The following MTX2 variants were observed in gnomAD, a reference collection of about 807,000 sequenced individuals.
MTX2 encodes the protein metaxin 2, also known as metaxin-2.
MTX2 carries 35 observed loss-of-function variants against 42.3 expected under a neutral mutation model. The ratio of observed to expected loss-of-function variants is 0.83; its 90% CI spans 0.63 to 1.10. The LOEUF (loss-of-function observed/expected upper bound fraction) is 1.10. Among genes scored for constraint, MTX2 ranks in the 50% least tolerant of loss-of-function variants. The pLI, the probability that MTX2 is intolerant of heterozygous loss-of-function variation, is 0.00. For missense variants in MTX2, 307 were observed against 304.1 expected (o/e 1.01, Z -0.07); for synonymous variants, 119 against 100.9 (o/e 1.18, Z -1.08).
chr2:176,320,085 T>C (rs972469932), intron 3 of MTX2, among the ~76,000 whole-genome samples: 1 of 152,092 alleles, frequency 6.6e-6, no homozygotes. Context: ...TTGAGGTCTG[T>C]AGTAAGTTGA....
chr2:176,285,914 A>G (rs1693188213), intron 1 of MTX2, among the ~76,000 whole-genome samples: 1 of 152,126 alleles, frequency 6.6e-6, no homozygotes, highest in South Asian at 2.1e-4. Context: ...AGTGTAATTG[A>G]TGGGTCATAT....
rs73036857 is a variant in MTX2, at chr2:176,304,675, G to T, written c.135+6780G>T. 7.2e-3 allele frequency among the ~76,000 whole-genome samples: 1,101 copies of T among 152,028 alleles called. 16 individuals carry two copies. Among genetic ancestry groups the T allele is most frequent in the African/African-American group, 0.026 (1,063 of 41,508 alleles). ...TTGTCACAAATTTTCCTTTGTGTCT[G>T]GTTGAAAAAGGATATGAATTAAAAT... is the stretch of plus-strand genomic sequence containing the variant. On this transcript the variant is annotated intron_variant, in intron 3 of 9. Coordinates refer to ENST00000249442, the MANE Select transcript of MTX2 (RefSeq NM_006554.5).
At position 176,330,594 on chromosome 2, in the gene MTX2, A is replaced by T. The variant is rs1022234209; in HGVS notation, c.554A>T (p.Asp185Val). ...CATTGCCTGTGTTAGGTCTTAGAGG[A>T]TGTAGACCAGTGCTGTCAAGCTCTC... ...GKKTLDQVLE[D>V]VDQCCQALSQ... Residue 185 changes from aspartate to valine, a missense_variant, in exon 9 of 10, where the codon GAT becomes GTT. Coordinates refer to ENST00000249442, the MANE Select transcript of MTX2 (RefSeq NM_006554.5). 7.6e-6 allele frequency: 12 copies of T among 1,585,554 alleles called. No homozygotes were observed. The highest frequency in any genetic ancestry group is 1.0e-5 in the Non-Finnish European group (12 of 1,161,730).
chr2:176,279,528 TA>T (rs1411634339), intron 1 of MTX2, among the ~76,000 whole-genome samples: 3 of 152,116 alleles, frequency 2.0e-5, no homozygotes, highest in African/African-American at 7.2e-5. Context: ...TTTATAAATT[TA>T]AAAAAAGATT....
At chr2:176,290,033 A>C (rs1472385946) in intron 1 of MTX2, among the ~76,000 whole-genome samples, 1 of 152,136 alleles carries the variant, frequency 6.6e-6, no homozygotes, top group African/African-American at 2.4e-5. Context: ...ATATATAAGA[A>C]AAATGCAGAC....
At chr2:176,274,497 A>G (rs763198575) in intron 1 of MTX2, among the ~76,000 whole-genome samples, 26 of 152,204 alleles carry the variant, frequency 1.7e-4, no homozygotes, top group Non-Finnish European at 1.3e-4. Context: ...AGTTGTTATC[A>G]GTCAGTTCAA....
intron 1 of MTX2, among the ~76,000 whole-genome samples, chr2:176,282,129 T>TTTTTTTTG (rs1266283792): frequency 3.0e-5 from 4 of 132,494 alleles, no homozygotes; most frequent in African/African-American, 1.1e-4. Flanking sequence ...TACAGTAGTT[T>TTTTTTTTG]TTTTTTTTTT....
At chr2:176,337,443 T>C (rs1249779977) in intron 9 of MTX2, 50 bp from the exon 10 acceptor site, 24 of 1,465,592 alleles carry the variant, frequency 1.6e-5, no homozygotes, top group Admixed American at 2.1e-5. Context: ...TGTTTTCTAT[T>C]GTAAAAGTTA....
chr2:176,313,764 C>G (rs896296692), intron 3 of MTX2, among the ~76,000 whole-genome samples: 1 of 152,176 alleles, frequency 6.6e-6, no homozygotes, highest in Non-Finnish European at 1.5e-5. Flanking sequence ...TATGTTCACT[C>G]GAATCTTTTT....
chr2:176,280,900 C>G (rs781465301), intron 1 of MTX2, among the ~76,000 whole-genome samples: 2 of 152,200 alleles, frequency 1.3e-5, no homozygotes, highest in Non-Finnish European at 1.5e-5. Context: ...CTGGGCTGAT[C>G]CAGACAGTTG....
intron 1 of MTX2, among the ~76,000 whole-genome samples, chr2:176,276,847 CAGTT>C (rs1396837064): frequency 3.3e-5 from 5 of 152,072 alleles, no homozygotes; most frequent in Admixed American, 6.5e-5. Context: ...TTAAGCACAT[CAGTT>C]AGTTTCATCA....
rs577790691 is a variant in MTX2, at chr2:176,321,390, C to A, written c.136-2002C>A. ...ACAGAAGAATCAACTTCTGGTGGGG[C>A]AGGATGGTGTTTAAACTTAGAAATC... On this transcript the variant is annotated intron_variant, in intron 3 of 9. Transcript: ENST00000249442. 1.8e-4 allele frequency among the ~76,000 whole-genome samples: 27 copies of A among 152,126 alleles called. No homozygotes were observed. The South Asian group carries it at 5.6e-3, about 32-fold the overall frequency.
intron 5 of MTX2, 119 bp from the exon 6 acceptor site, chr2:176,328,174 G>A: frequency 4.2e-6 from 2 of 479,458 alleles, no homozygotes; most frequent in South Asian, 9.9e-5. Context: ...TTTTTAGGGG[G>A]CATTTTGGAC....
At chr2:176,270,473 T>C in intron 1 of MTX2, 2 of 1,251,306 alleles carry the variant, frequency 1.6e-6, no homozygotes, top group Non-Finnish European at 2.2e-6. Flanking sequence ...AGAAATTAAA[T>C]ATTGTTGAGA....
chr2:176,269,819 C>A, intron 1 of MTX2, 150 bp downstream of exon 1: 2 of 980,232 alleles, frequency 2.0e-6, no homozygotes, highest in Non-Finnish European at 2.9e-6. Flanking sequence ...CCAACCTTAT[C>A]TCACATATGG....
rs745746522 is a variant in MTX2, at chr2:176,328,306, G to T, written c.299G>T (p.Ser100Ile). 1 of 1,573,622 alleles carries T rather than the reference G, an allele frequency of 6.4e-7. No homozygotes were observed. The highest frequency in any genetic ancestry group is 1.4e-5 in the African/African-American group (1 of 72,842). The change falls in exon 6 of 10, where the codon AGT (serine) becomes ATT (isoleucine). Residue 100 changes from serine (S) to isoleucine (I), a missense_variant. By Grantham distance (142) the Ser-to-Ile change is moderately radical. Coordinates refer to ENST00000249442, the MANE Select transcript of MTX2 (RefSeq NM_006554.5). ...AATTCCCTTTAGGGCCATTCTCTTAGTGATGGGCTGGAGGAAGTCCAAAAA... is the reference window on the plus strand; with the variant it reads ...AATTCCCTTTAGGGCCATTCTCTTATTGATGGGCTGGAGGAAGTCCAAAAA... Reference protein sequence around the residue: ...QFVKAKGHSLSDGLEEVQKAE... With the variant: ...QFVKAKGHSLIDGLEEVQKAE...
At chr2:176,292,753 T>A (rs894942223) in intron 1 of MTX2, among the ~76,000 whole-genome samples, 1 of 152,222 alleles carries the variant, frequency 6.6e-6, no homozygotes, top group African/African-American at 2.4e-5. Flanking sequence ...CATGTCATGG[T>A]TTACATGTAA....
intron 3 of MTX2, among the ~76,000 whole-genome samples, chr2:176,321,417 T>C (rs936369630): frequency 3.3e-5 from 5 of 152,142 alleles, no homozygotes; most frequent in Non-Finnish European, 5.9e-5. Flanking sequence ...TTAGAAATCA[T>C]AACTGTAGGT....
intron 3 of MTX2, among the ~76,000 whole-genome samples, chr2:176,320,939 C>G (rs796591244): frequency 8.5e-5 from 13 of 152,194 alleles, no homozygotes; most frequent in African/African-American, 2.9e-4. Context: ...TCAAGTGGTC[C>G]TTTTGCCTTG....
Sources: allele counts gnomAD v4.1 joint callset (sites outside exome capture counted in the v4.1 genomes callset), GRCh38; gene constraint gnomAD v4.1.1; transcripts MANE v1.5; gene names NCBI Gene and HGNC (gene_info 2026-07-23, HGNC 2026-07-21).